Variants in FOXA1 observed in about 807,000 individuals in gnomAD.
FOXA1 encodes forkhead box A1, also known as hepatocyte nuclear factor 3-alpha.
In FOXA1, 9 loss-of-function variants were observed where a neutral mutation model predicts 29.2. The observed-to-expected ratio is 0.31, with a 90% CI of 0.19 to 0.54. The LOEUF (loss-of-function observed/expected upper bound fraction) is 0.54, where lower values mean the gene tolerates loss of function less well. FOXA1 is among the 20% of genes least tolerant of loss of function. The pLI, the probability that FOXA1 is intolerant of heterozygous loss-of-function variation, is 0.95. For missense variants in FOXA1, 644 were observed against 681.2 expected, an observed-to-expected ratio of 0.95 and a Z score of 0.61; for synonymous variants, 340 against 300.9, an observed-to-expected ratio of 1.13 and a Z score of -1.34.
rs1319052552 is a variant in FOXA1, at chr14:37,591,723, G to A, written c.1061C>T (p.Ser354Phe). Residue 354 changes from serine to phenylalanine, a missense_variant, in exon 2 of 2, where the codon TCC (serine) becomes TTC (phenylalanine). This residue lies in a region of FOXA1 where 295 missense variants were observed against 294.4 expected (regional missense o/e 1.00). Transcript: ENST00000250448. ...GGAGCTTATGGGGGGCGCAGTTGAG[G>A]AGGCTGGAGTCTTCAACTCCGAGGC... ...GGASELKTPASSTAPPISSGP... is the reference protein window; with the variant it reads ...GGASELKTPAFSTAPPISSGP... 1 of 1,580,048 alleles carries A rather than the reference G, an allele frequency of 6.3e-7. No individual in the cohort carries two copies.
In FOXA1 at chr14:37,592,601, C is replaced by A. The variant is rs1475472736; in HGVS notation, c.183G>T (p.Pro61=). The A allele has an allele frequency of 1.2e-6, 2 of 1,614,100 alleles. No individual in the cohort carries two copies. The highest frequency in any genetic ancestry group is 4.5e-5 in the East Asian group (2 of 44,880). ...NTMTTSGNMT[P]ASFNMSYANP... ...TGGCATAGGACATGTTGAAGGACGC[C>A]GGGGTCATGTTGCCGCTCGTAGTCA... The change falls in exon 2 of 2, where the codon CCG becomes CCT. Residue 61 remains proline (P), a synonymous_variant. Transcript: ENST00000250448.
chr14:37,590,649 T>A lies in FOXA1; in HGVS notation c.*716A>T, dbSNP rs1370387182. ...TGTATCATGTATATCACCTATCTAT[T>A]ACCTCTATATGTTATGTAAATATAC... On this transcript the variant is annotated 3_prime_UTR_variant, in exon 2 of 2. Coordinates refer to ENST00000250448, the MANE Select transcript of FOXA1 (RefSeq NM_004496.5). 3 of 227,570 alleles carry A rather than the reference T, an allele frequency of 1.3e-5. No homozygotes were observed. Among genetic ancestry groups the A allele is most frequent in the African/African-American group, 6.7e-5 (3 of 44,976 alleles). The allele number at this position is 227,570 out of a possible 1,614,324, so 14.1% of individuals were successfully genotyped here. A position where few individuals can be genotyped will look rare whatever the true frequency, so the allele number is the denominator to read the frequency against.
intron 1 of FOXA1, chr14:37,594,054 A>T: frequency 8.1e-7 from 1 of 1,227,514 alleles, no homozygotes; most frequent in Non-Finnish European, 1.0e-6. Flanking sequence ...TTTTCTGTCC[A>T]CGTCTTAAAA....
At position 37,594,793 on chromosome 14, in the gene FOXA1, G is replaced by C. The variant is rs2095600443; in HGVS notation, c.72+108C>G. 38 of 805,386 alleles carry C rather than the reference G, an allele frequency of 4.7e-5. 1 individual carries two copies. The South Asian group carries it at 1.7e-3, about 35-fold the overall frequency. 49.9% of individuals were successfully genotyped at this position (805,386 alleles called of 1,614,324 possible). A position where few individuals can be genotyped will look rare whatever the true frequency, so the allele number is the denominator to read the frequency against. Reference sequence around the variant, plus strand: ...CGGGCAGCGGTGGCACCGAGAAGGCGCCCCCGGCCCGCCTGCCTGCCTTGC... The same window carrying C: ...CGGGCAGCGGTGGCACCGAGAAGGCCCCCCCGGCCCGCCTGCCTGCCTTGC... On this transcript the variant is annotated intron_variant, in intron 1 of 1. Coordinates refer to ENST00000250448, the MANE Select transcript of FOXA1 (RefSeq NM_004496.5).
Position 37,592,709 on chromosome 14 carries a change from G to C in FOXA1, c.75C>G (p.Ala25=). ...TGTTGCTGACCGGGACGGAGGAGTAGGCCTGGAGTGGAGACAGCGAGTGAA... is the reference window on the plus strand; with the variant it reads ...TGTTGCTGACCGGGACGGAGGAGTACGCCTGGAGTGGAGACAGCGAGTGAA... ...WNSYYADTQE[A]YSSVPVSNMN... Residue 25 remains alanine (A), a splice_region_variant and synonymous_variant, in exon 2 of 2, where the codon GCC becomes GCG. Transcript: ENST00000250448. The C allele has an allele frequency of 6.2e-7, 1 of 1,611,448 alleles. No homozygotes were observed. Among genetic ancestry groups the C allele is most frequent in the Non-Finnish European group, 8.5e-7 (1 of 1,180,020 alleles).
chr14:37,592,738 G>T (rs1283188770), intron 1 of FOXA1, 27 bp from the exon 2 acceptor site: 1 of 1,605,766 alleles, frequency 6.2e-7, no homozygotes, highest in Non-Finnish European at 8.5e-7. Context: ...GAGTGAAGAA[G>T]CCCCGGAGGG....
rs1212813569 is a variant in FOXA1 at position 37,589,720 on chromosome 14, A to C, written c.*1645T>G. ...AACACAGAAGGCTTAAGCCGGTGTCAAAAAAAAAAAAAAAAATGAAGTAAA... is the reference window on the plus strand; with the variant it reads ...AACACAGAAGGCTTAAGCCGGTGTCCAAAAAAAAAAAAAAAATGAAGTAAA... On this transcript the variant is annotated 3_prime_UTR_variant, in exon 2 of 2. Coordinates refer to ENST00000250448, the MANE Select transcript of FOXA1 (RefSeq NM_004496.5). Among the ~76,000 whole-genome samples, 1 of 10,870 alleles carries C rather than the reference A, an allele frequency of 9.2e-5. No homozygotes were observed. The highest frequency in any genetic ancestry group is 1.6e-4 in the Non-Finnish European group (1 of 6,358). The allele number at this position is 10,870 out of a possible 152,430, so 7.1% of individuals were successfully genotyped here.
At chr14:37,594,516 G>A (rs1049410676) in intron 1 of FOXA1, 9 of 362,352 alleles carry the variant, frequency 2.5e-5, no homozygotes, top group Non-Finnish European at 2.7e-5. Flanking sequence ...CGAAGAGGTC[G>A]CCTTGTGGGT....
chr14:37,593,070 G>C (rs1392205155), intron 1 of FOXA1, among the ~76,000 whole-genome samples: 1 of 152,130 alleles, frequency 6.6e-6, no homozygotes, highest in East Asian at 1.9e-4. Flanking sequence ...AACCAGCCTC[G>C]GCAAAGCGCC....
At position 37,590,924 on chromosome 14, in the gene FOXA1, A is replaced by T. The variant is rs771564852; in HGVS notation, c.*441T>A. 6 of 363,950 alleles carry T rather than the reference A, an allele frequency of 1.6e-5. No individual in the cohort carries two copies. Among genetic ancestry groups the T allele is most frequent in the Non-Finnish European group, 3.1e-5 (6 of 196,402 alleles). 22.5% of individuals were successfully genotyped at this position (363,950 alleles called of 1,614,324 possible). On this transcript the variant is annotated 3_prime_UTR_variant, in exon 2 of 2. Transcript: ENST00000250448. ...CTTATGGTTAAGAGTATTGCCACAGACCTGTAAACTCGTAGGGGGTCAGGT... is the reference window on the plus strand; with the variant it reads ...CTTATGGTTAAGAGTATTGCCACAGTCCTGTAAACTCGTAGGGGGTCAGGT...
At position 37,592,460 on chromosome 14, in the gene FOXA1, C is replaced by G; in HGVS notation, c.324G>C (p.Leu108=). 6.2e-7 allele frequency: 1 copy of G among 1,605,120 alleles called. No homozygotes were observed. The highest frequency in any genetic ancestry group is 8.5e-7 in the Non-Finnish European group (1 of 1,178,598). The change falls in exon 2 of 2, where the codon CTG becomes CTC. Residue 108 remains leucine, a synonymous_variant. Coordinates refer to ENST00000250448, the MANE Select transcript of FOXA1 (RefSeq NM_004496.5). ...AAGVTAMGTA[L]SPSGMGAMGA... ...CCATGGCGCCCATGCCGCTCGGGCT[C>G]AGCGCCGTACCCATGGCCGTCACGC...
chr14:37,590,853 C>T lies in FOXA1; in HGVS notation c.*512G>A, dbSNP rs1484210612. 2 of 263,486 alleles carry T rather than the reference C, an allele frequency of 7.6e-6. No homozygotes were observed. Among genetic ancestry groups the T allele is most frequent in the African/African-American group, 2.2e-5 (1 of 45,636 alleles). 16.3% of individuals were successfully genotyped at this position (263,486 alleles called of 1,614,324 possible). On this transcript the variant is annotated 3_prime_UTR_variant, in exon 2 of 2. Coordinates refer to ENST00000250448, the MANE Select transcript of FOXA1 (RefSeq NM_004496.5). ...ATAACAGCAGTATTGTCTTTCAATA[C>T]TTTTAAGAGCCTCTAGTGTATACTT...
In FOXA1 at chr14:37,591,149, T is replaced by C. The variant is rs1450732682; in HGVS notation, c.*216A>G. The C allele has an allele frequency of 5.9e-6, 4 of 672,290 alleles. No individual in the cohort carries two copies. The highest frequency in any genetic ancestry group is 1.9e-5 in the South Asian group (1 of 52,106). 41.6% of individuals were successfully genotyped at this position (672,290 alleles called of 1,614,324 possible). A position where few individuals can be genotyped will look rare whatever the true frequency, so the allele number is the denominator to read the frequency against. ...CAGGAAAAAAATTGGTTTGGGGTTG[T>C]CTTTGTAGTAATATACACAATGAAT... is the stretch of plus-strand genomic sequence containing the variant. On this transcript the variant is annotated 3_prime_UTR_variant, in exon 2 of 2. Transcript: ENST00000250448.
At chr14:37,593,827 T>A (rs1345800314) in intron 1 of FOXA1, 1 of 186,364 alleles carries the variant, frequency 5.4e-6, no homozygotes, top group Non-Finnish European at 1.1e-5. Context: ...AACCTAGGCA[T>A]ATTAAAAAGC....
chr14:37,591,717 G>C lies in FOXA1; in HGVS notation c.1067C>G (p.Thr356Ser). ...ASELKTPASS[T>S]APPISSGPGA... ...GGGCCCGGAGCTTATGGGGGGCGCA[G>C]TTGAGGAGGCTGGAGTCTTCAACTC... Residue 356 changes from threonine to serine, a missense_variant, in exon 2 of 2, where the codon ACT (threonine) becomes AGT (serine). Physicochemically the swap from Thr to Ser is moderately conservative, Grantham distance 58 (BLOSUM62 1). Around this residue, in one of 5 missense-constraint regions of FOXA1, gnomAD observed 295 missense variants for 294.4 expected, o/e 1.00. Transcript: ENST00000250448. 6.3e-7 allele frequency: 1 copy of C among 1,581,536 alleles called. No homozygotes were observed. Among genetic ancestry groups the C allele is most frequent in the Non-Finnish European group, 8.6e-7 (1 of 1,164,156 alleles).
In FOXA1 at chr14:37,595,022, G is replaced by T. The variant is rs751297881; in HGVS notation, c.-50C>A. On this transcript the variant is annotated 5_prime_UTR_variant, in exon 1 of 2. Coordinates refer to ENST00000250448, the MANE Select transcript of FOXA1 (RefSeq NM_004496.5). Reference sequence around the variant, plus strand: ...ACCATCCAGCCCTGTGCGAAGCGACGGGCGGCCGCGCGGCGCGGGGCGGGG... The same window carrying T: ...ACCATCCAGCCCTGTGCGAAGCGACTGGCGGCCGCGCGGCGCGGGGCGGGG... 2.6e-6 allele frequency: 4 copies of T among 1,517,346 alleles called. No individual in the cohort carries two copies. Among genetic ancestry groups the T allele is most frequent in the East Asian group, 5.0e-5 (2 of 40,096 alleles). 94.0% of individuals were successfully genotyped at this position (1,517,346 alleles called of 1,614,324 possible). A position where few individuals can be genotyped will look rare whatever the true frequency, so the allele number is the denominator to read the frequency against.
In FOXA1 at chr14:37,594,873, C is replaced by A. The variant is rs2095600608; in HGVS notation, c.72+28G>T. ...GGCACGGGCTCCAGCGGCGCCCCAC[C>A]GGCCGCCCGCCTCGCCTTGCCTCTC... is the stretch of plus-strand genomic sequence containing the variant. On this transcript the variant is annotated intron_variant, in intron 1 of 1. Coordinates refer to ENST00000250448, the MANE Select transcript of FOXA1 (RefSeq NM_004496.5). The A allele has an allele frequency of 2.6e-6, 4 of 1,544,496 alleles. No homozygotes were observed. The South Asian group carries it at 3.5e-5, about 13-fold the overall frequency.
In FOXA1 at chr14:37,592,287, T is replaced by C; in HGVS notation, c.497A>G (p.Tyr166Cys). ...CGAGTAGGGCGGCTTGGCGTGCGGG[T>C]AGCTGCGCTTGAACGTCTTGGCGTC... is the stretch of plus-strand genomic sequence containing the variant. ...GGDAKTFKRS[Y>C]PHAKPPYSYI... The change falls in exon 2 of 2, where the codon TAC (tyrosine) becomes TGC (cysteine). Residue 166 changes from tyrosine (Y) to cysteine (C), a missense_variant. Physicochemically the swap from Tyr to Cys is radical, Grantham distance 194. This residue lies in a region of FOXA1 where 309 missense variants were observed against 307.0 expected (regional missense o/e 1.01). Transcript: ENST00000250448. 15 of 1,612,498 alleles carry C rather than the reference T, an allele frequency of 9.3e-6. No homozygotes were observed. Among genetic ancestry groups the C allele is most frequent in the South Asian group, 2.2e-5 (2 of 90,980 alleles).
At position 37,591,850 on chromosome 14, in the gene FOXA1, C is replaced by T. The variant is rs2095595949; in HGVS notation, c.934G>A (p.Gly312Ser). Residue 312 changes from glycine (G) to serine (S), a missense_variant, in exon 2 of 2, where the codon GGT becomes AGT. Physicochemically the swap from Gly to Ser is moderately conservative, Grantham distance 56. Coordinates refer to ENST00000250448, the MANE Select transcript of FOXA1 (RefSeq NM_004496.5). ...NPSADSPLHR[G>S]VHGKTGQLEG... ...AGCTGGCCGGTCTTCCCGTGCACACCCCGATGGAGGGGCGAGTCGGCGCTG... is the reference window on the plus strand; with the variant it reads ...AGCTGGCCGGTCTTCCCGTGCACACTCCGATGGAGGGGCGAGTCGGCGCTG... 3 of 1,452,472 alleles carry T rather than the reference C, an allele frequency of 2.1e-6. No individual in the cohort carries two copies. Among genetic ancestry groups the T allele is most frequent in the Non-Finnish European group, 2.7e-6 (3 of 1,108,096 alleles). 90.0% of individuals were successfully genotyped at this position (1,452,472 alleles called of 1,614,324 possible).
Sources: gnomAD v4.1 joint callset for allele counts (sites outside exome capture counted in the v4.1 genomes callset) on GRCh38, gnomAD v4.1.1 for gene constraint, gnomAD v4.1.1 regional missense constraint, MANE v1.5 for transcripts, NCBI Gene and HGNC (gene_info 2026-07-23, HGNC 2026-07-21) for gene names.